Variants in AGMO observed in about 807,000 individuals in gnomAD.
The protein encoded by AGMO is alkylglycerol monooxygenase, also known as glyceryl-ether monooxygenase.
A neutral mutation model predicts 60.2 loss-of-function variants in AGMO; 75 were observed. The ratio of observed to expected loss-of-function variants is 1.25; its 90% CI spans 1.03 to 1.51. The LOEUF is 1.51. Among genes scored for constraint, AGMO ranks in the 40% most tolerant of loss-of-function variants. The pLI is 0.00. For synonymous variants in AGMO, 261 were observed against 177.1 expected (o/e 1.47, Z -3.76); for missense variants, 763 against 525.5 (o/e 1.45, Z -4.42).
chr7:15,261,362 T>C (rs1477057135), intron 12 of AGMO, among the ~76,000 whole-genome samples: 1 of 152,084 alleles, frequency 6.6e-6, no homozygotes, highest in Non-Finnish European at 1.5e-5. Context: ...TATTCAATGC[T>C]ACTATGAACA....
intron 12 of AGMO, among the ~76,000 whole-genome samples, chr7:15,212,648 C>A (rs1781627968): frequency 6.6e-6 from 1 of 151,960 alleles, no homozygotes; most frequent in Admixed American, 6.6e-5. Flanking sequence ...GCTATCTTAA[C>A]AAGGTTCTTA....
rs1159526117 is a variant in AGMO, at chr7:15,201,002, C to A, written c.*283G>T. On this transcript the variant is annotated 3_prime_UTR_variant, in exon 13 of 13. Transcript: ENST00000342526. ...GTTTTTACTGTTTTTAAGTTTCATC[C>A]CTTCTTTTTATACTTGTCATATAAG... 4.0e-6 allele frequency: 1 copy of A among 250,910 alleles called. No homozygotes were observed. Among genetic ancestry groups the A allele is most frequent in the African/African-American group, 2.2e-5 (1 of 44,966 alleles). The allele number at this position is 250,910 out of a possible 1,614,324, so 15.5% of individuals were successfully genotyped here.
chr7:15,560,223 A>G lies in AGMO; in HGVS notation c.175T>C (p.Trp59Arg). The G allele has an allele frequency of 6.2e-7, 1 of 1,613,200 alleles. No homozygotes were observed. The highest frequency in any genetic ancestry group is 8.5e-7 in the Non-Finnish European group (1 of 1,179,358). The change falls in exon 2 of 13, where the codon TGG (tryptophan) becomes CGG (arginine). Residue 59 changes from tryptophan to arginine, a missense_variant. Transcript: ENST00000342526. ...SLMLLELVVS[W>R]ILKGKPPGRL... is the part of the protein sequence containing the mutation. Reference sequence around the variant, plus strand: ...CCTGGTGGCTTTCCTTTGAGAATCCAGCTGACAACAAGTTCAAGCAGCATC... The same window carrying G: ...CCTGGTGGCTTTCCTTTGAGAATCCGGCTGACAACAAGTTCAAGCAGCATC...
chr7:15,523,850 C>G (rs1295492037), intron 3 of AGMO, among the ~76,000 whole-genome samples: 1 of 151,864 alleles, frequency 6.6e-6, no homozygotes, highest in Non-Finnish European at 1.5e-5. Flanking sequence ...AAAAAAGACA[C>G]CCAGGAAGAA....
At chr7:15,158,768 A>G in the AGMO span, among the ~76,000 whole-genome samples, 1 of 152,140 alleles carries the variant, frequency 6.6e-6, no homozygotes, top group African/African-American at 2.4e-5. Flanking sequence ...TTAAATTTTA[A>G]TCTCCTTTCT....
intron 12 of AGMO, among the ~76,000 whole-genome samples, chr7:15,348,562 A>G (rs888905789): frequency 1.3e-5 from 2 of 151,976 alleles, no homozygotes; most frequent in African/African-American, 4.8e-5. Flanking sequence ...TCAAATTTGT[A>G]TTTTTCTTCT....
At chr7:15,375,330 G>A (rs926788508) in intron 10 of AGMO, among the ~76,000 whole-genome samples, 2 of 149,998 alleles carry the variant, frequency 1.3e-5, no homozygotes, top group Non-Finnish European at 3.0e-5. Context: ...AAATACAGAA[G>A]AGAAAAGATG....
chr7:15,306,386 C>A (rs968660032), intron 12 of AGMO: 26 of 359,306 alleles, frequency 7.2e-5, no homozygotes, highest in South Asian at 5.7e-4. Context: ...CTTACAAAAT[C>A]TTTATTATTT....
chr7:15,410,435 A>G (rs764708218), intron 5 of AGMO, among the ~76,000 whole-genome samples: 1 of 151,852 alleles, frequency 6.6e-6, no homozygotes, highest in Non-Finnish European at 1.5e-5. Context: ...TAGAATCTCA[A>G]ATTTTTATAG....
Position 15,263,025 on chromosome 7 carries a change from A to G in AGMO, c.1264-61666T>C, listed in dbSNP as rs532895722. On this transcript the variant is annotated intron_variant, in intron 12 of 12. Transcript: ENST00000342526. ...CTTCTAGACATTGGCTTAGGCAATG[A>G]CCTCATGACGAAGAACCCAAAAGCA... 7.9e-5 allele frequency among the ~76,000 whole-genome samples: 12 copies of G among 152,276 alleles called. No homozygotes were observed. In the East Asian group the frequency reaches 2.1e-3, roughly 27 times the overall value.
chr7:15,436,991 G>A (rs1781421502), intron 3 of AGMO, among the ~76,000 whole-genome samples: 1 of 152,078 alleles, frequency 6.6e-6, no homozygotes, highest in Admixed American at 6.6e-5. Flanking sequence ...ACTTGGAGGT[G>A]CCCATATAAA....
chr7:15,431,185 C>A, intron 3 of AGMO, 77 bp from the exon 4 acceptor site: 1 of 984,312 alleles, frequency 1.0e-6, no homozygotes, highest in South Asian at 1.4e-5. Context: ...GCATGCTGCT[C>A]TGTTGAGTGA....
the AGMO span, among the ~76,000 whole-genome samples, chr7:15,135,226 TTTTTCTACCA>T: frequency 6.6e-6 from 1 of 151,874 alleles, no homozygotes; most frequent in African/African-American, 2.4e-5. Flanking sequence ...TGCCTATAGT[TTTTTCTACCA>T]ATCTGATAGC....
In AGMO at chr7:15,548,537, G is replaced by A. The variant is rs376274802; in HGVS notation, c.258-3614C>T. On this transcript the variant is annotated intron_variant, in intron 2 of 12. Coordinates refer to ENST00000342526, the MANE Select transcript of AGMO (RefSeq NM_001004320.2). ...GAAGAATGCAGAAGGCTCAGGAGCC[G>A]ATGTGATCAACTGGAAGAAAGGGTA... 3.5e-4 allele frequency among the ~76,000 whole-genome samples: 54 copies of A among 152,282 alleles called. 1 individual carries two copies. In the East Asian group the frequency reaches 5.4e-3, roughly 15 times the overall value.
At chr7:15,303,404 T>C (rs1465291412) in intron 12 of AGMO, among the ~76,000 whole-genome samples, 1 of 151,488 alleles carries the variant, frequency 6.6e-6, no homozygotes, top group African/African-American at 2.4e-5. Context: ...ATTGTGTATT[T>C]GGCATCAAAC....
chr7:15,430,495 T>C (rs1583544021), intron 4 of AGMO, among the ~76,000 whole-genome samples: 1 of 151,668 alleles, frequency 6.6e-6, no homozygotes, highest in Non-Finnish European at 1.5e-5. Context: ...GTAATTTCCT[T>C]GTGTGAGAAT....
intron 12 of AGMO, among the ~76,000 whole-genome samples, chr7:15,357,904 A>G (rs1357803998): frequency 6.6e-6 from 1 of 152,220 alleles, no homozygotes; most frequent in East Asian, 1.9e-4. Flanking sequence ...AAAAACAGAT[A>G]AATGCCAAGG....
intron 12 of AGMO, among the ~76,000 whole-genome samples, chr7:15,301,694 C>T (rs73679465): frequency 0.013 from 2,050 of 152,216 alleles, 50 homozygotes; most frequent in African/African-American, 0.043. Context: ...TTTTAATTTT[C>T]ATTTCTTTTA....
chr7:15,406,685 TATATATGGA>T lies in AGMO; in HGVS notation c.609+11864_609+11872del, dbSNP rs1243735097. ...TATGGAATATACATATATATGTGTA[TATATATGGA>T]ATATACATATATATGTGTATATATA... On this transcript the variant is annotated intron_variant, in intron 5 of 12. Coordinates refer to ENST00000342526, the MANE Select transcript of AGMO (RefSeq NM_001004320.2). 1.8e-4 allele frequency among the ~76,000 whole-genome samples: 11 copies of T among 60,738 alleles called. 1 individual carries two copies. In the South Asian group the frequency reaches 5.9e-3, roughly 32 times the overall value. The allele number at this position is 60,738 out of a possible 152,430, so 39.8% of individuals were successfully genotyped here. A position where few individuals can be genotyped will look rare whatever the true frequency, so the allele number is the denominator to read the frequency against.
Sources: gnomAD v4.1 joint callset for allele counts (sites outside exome capture counted in the v4.1 genomes callset) on GRCh38, gnomAD v4.1.1 for gene constraint, MANE v1.5 for transcripts, NCBI Gene and HGNC (gene_info 2026-07-23, HGNC 2026-07-21) for gene names.